The following HERC2 variants were observed in gnomAD, a reference collection of about 807,000 sequenced individuals.
The protein encoded by HERC2 is E3 ubiquitin-protein ligase HERC2.
Under a neutral mutation model 537.7 loss-of-function variants are expected in HERC2, and 102 were observed. The observed-to-expected ratio is 0.19, with a 90% CI of 0.16 to 0.22. The LOEUF (loss-of-function observed/expected upper bound fraction) is 0.22. Among genes scored for constraint, HERC2 ranks in the 10% least tolerant of loss-of-function variants. HERC2 has a pLI of 1.00. For synonymous variants in HERC2, 2,224 were observed against 2,466.2 expected (o/e 0.90, Z 2.91); for missense variants, 4,236 against 6,198.2 (o/e 0.68, Z 10.63).
rs1363578957 is a variant in HERC2 at position 28,303,889 on chromosome 15, G to A, written c.73-4373C>T. On this transcript the variant is annotated intron_variant, in intron 2 of 92. Transcript: ENST00000261609. ...TACAGAAATGCTACTGATTTGGCCG[G>A]GCACAGTGGCTCATACCTGTAATCC... Among the ~76,000 whole-genome samples the A allele has an allele frequency of 4.6e-5, 7 of 152,174 alleles. No homozygotes were observed. In the East Asian group the frequency reaches 1.3e-3, roughly 29 times the overall value.
chr15:28,311,315 A>C (rs1383346211), intron 2 of HERC2, among the ~76,000 whole-genome samples: 1 of 152,208 alleles, frequency 6.6e-6, no homozygotes, highest in African/African-American at 2.4e-5. Context: ...AAATACAAAA[A>C]TTAACCAGGC....
intron 44 of HERC2, among the ~76,000 whole-genome samples, chr15:28,209,663 A>G (rs1391580044): frequency 1.3e-5 from 2 of 152,136 alleles, no homozygotes; most frequent in Admixed American, 6.6e-5. Flanking sequence ...TTATATTTTT[A>G]AAGTATTTGG....
Position 28,132,084 on chromosome 15 carries a change from A to C in HERC2, c.12570+16T>G. ...TGAGCTGGGAGAGCACTGGGCAGGG[A>C]AAGAATGGGAAATACCTTCATAGGC... On this transcript the variant is annotated intron_variant, in intron 81 of 92. Transcript: ENST00000261609. 6.3e-7 allele frequency: 1 copy of C among 1,576,530 alleles called. No individual in the cohort carries two copies. Among genetic ancestry groups the C allele is most frequent in the South Asian group, 1.1e-5 (1 of 87,542 alleles).
In HERC2 at chr15:28,272,926, C is replaced by G. The variant is rs2075777443; in HGVS notation, c.879G>C (p.Leu293=). 1 of 1,612,008 alleles carries G rather than the reference C, an allele frequency of 6.2e-7. No individual in the cohort carries two copies. The highest frequency in any genetic ancestry group is 8.5e-7 in the Non-Finnish European group (1 of 1,179,994). Residue 293 remains leucine (L), a synonymous_variant, in exon 8 of 93, where the codon CTG becomes CTC. Coordinates refer to ENST00000261609, the MANE Select transcript of HERC2 (RefSeq NM_004667.6). ...LQDQHLALAI[L]LELAVQRGTL... ...TGCCTCTCTGCACAGCCAGCTCCAG[C>G]AGGATGGCCAGGGCCAAGTGCTGGT...
chr15:28,199,776 C>G (rs1194801777), intron 48 of HERC2, among the ~76,000 whole-genome samples: 1 of 152,104 alleles, frequency 6.6e-6, no homozygotes, highest in East Asian at 1.9e-4. Flanking sequence ...GCCTGAGATT[C>G]AGCCTGGTCC....
At position 28,113,470 on chromosome 15, in the gene HERC2, G is replaced by C. The variant is rs1887877561; in HGVS notation, c.14019+103C>G. On this transcript the variant is annotated intron_variant, in intron 91 of 92. Transcript: ENST00000261609. The surrounding 1 kb of genome is among the most constrained non-coding windows in gnomAD (Gnocchi z 7.0). ...ACGCGCTCAGAGTGCACTCCCTTCAGTCAACACACAGGGCAAGGTTCTGAC... is the reference window on the plus strand; with the variant it reads ...ACGCGCTCAGAGTGCACTCCCTTCACTCAACACACAGGGCAAGGTTCTGAC... The C allele has an allele frequency of 1.7e-6, 2 of 1,154,442 alleles. No individual in the cohort carries two copies. The highest frequency in any genetic ancestry group is 3.0e-5 in the African/African-American group (2 of 65,936). 71.5% of individuals were successfully genotyped at this position (1,154,442 alleles called of 1,614,324 possible).
intron 78 of HERC2, among the ~76,000 whole-genome samples, chr15:28,137,066 G>A (rs578022590): frequency 4.0e-4 from 61 of 152,230 alleles, no homozygotes; most frequent in African/African-American, 1.4e-3. Context: ...TATGGCAGAG[G>A]GGAATAGGTT....
chr15:28,229,478 G>C lies in HERC2; in HGVS notation c.5102C>G (p.Pro1701Arg), dbSNP rs1470831067. 1 of 1,613,836 alleles carries C rather than the reference G, an allele frequency of 6.2e-7. No individual in the cohort carries two copies. Residue 1701 changes from proline to arginine, a missense_variant, in exon 33 of 93, where the codon CCT becomes CGT. Physicochemically the swap from Pro to Arg is moderately radical, Grantham distance 103. Transcript: ENST00000261609. ...GTTTTACCCTATATCGATTCCCTCA[G>C]GAATAAGTCTTTGCCATCCACAAAA... ...AMFCGWQRLI[P>R]EGIDIGEPLT...
chr15:28,196,774 A>G (rs1473403898), intron 50 of HERC2, among the ~76,000 whole-genome samples: 2 of 152,228 alleles, frequency 1.3e-5, no homozygotes, highest in Non-Finnish European at 2.9e-5. Context: ...ACAAGAAGGG[A>G]GCATGAATAA....
intron 65 of HERC2, among the ~76,000 whole-genome samples, chr15:28,173,564 C>T (rs148348282): frequency 0.037 from 5,639 of 151,838 alleles, 330 homozygotes; most frequent in African/African-American, 0.13. Context: ...TTTGGGAGGC[C>T]AAGATGGGAG....
At chr15:28,159,802 G>C (rs1458933805) in intron 69 of HERC2, among the ~76,000 whole-genome samples, 1 of 152,228 alleles carries the variant, frequency 6.6e-6, no homozygotes, top group Admixed American at 6.5e-5. Context: ...GAGGAGGAGA[G>C]ATGCTCTGAT....
At position 28,208,602 on chromosome 15, in the gene HERC2, C is replaced by T. The variant is rs1452874846; in HGVS notation, c.7070-2220G>A. On this transcript the variant is annotated intron_variant, in intron 44 of 92. Transcript: ENST00000261609. ...CCCTGGTCTCCCAGGTACTCTGTAA[C>T]AGGATGTCACCCACCCATCCAGCTT... 3.3e-5 allele frequency among the ~76,000 whole-genome samples: 5 copies of T among 152,302 alleles called. No individual in the cohort carries two copies. In the South Asian group the frequency reaches 6.2e-4, roughly 19 times the overall value.
chr15:28,244,794 G>A (rs1430293815), intron 23 of HERC2, among the ~76,000 whole-genome samples: 4 of 152,046 alleles, frequency 2.6e-5, no homozygotes, highest in Non-Finnish European at 2.9e-5. Context: ...TTTTCCTCAG[G>A]ACAACTGCTA....
At chr15:28,135,334 TG>T in intron 79 of HERC2, 143 bp downstream of exon 79, 1 of 687,680 alleles carries the variant, frequency 1.5e-6, no homozygotes, top group Non-Finnish European at 2.5e-6. Context: ...AAACTATTTC[TG>T]CCAAATGAGT....
chr15:28,125,505 T>C (rs1889383598), intron 83 of HERC2, among the ~76,000 whole-genome samples: 1 of 152,212 alleles, frequency 6.6e-6, no homozygotes, highest in Non-Finnish European at 1.5e-5. Flanking sequence ...GTGTTAGTTC[T>C]CAGGACTAGG....
At chr15:28,208,505 G>A (rs1898735282) in intron 44 of HERC2, among the ~76,000 whole-genome samples, 1 of 151,786 alleles carries the variant, frequency 6.6e-6, no homozygotes, top group African/African-American at 2.4e-5. Context: ...CTTCCTAGCA[G>A]GTGTATCACC....
At position 28,210,729 on chromosome 15, in the gene HERC2, G is replaced by A. The variant is rs58278950; in HGVS notation, c.7069+273C>T. ...GTCTGCATTTCTAACACATACCTGC[G>A]TGCCACCAATCTTGCTGACCCATGC... On this transcript the variant is annotated intron_variant, in intron 44 of 92. Coordinates refer to ENST00000261609, the MANE Select transcript of HERC2 (RefSeq NM_004667.6). Among the ~76,000 whole-genome samples, 462 of 152,072 alleles carry A rather than the reference G, an allele frequency of 3.0e-3. 4 individuals are homozygous for A. Among genetic ancestry groups the A allele is most frequent in the African/African-American group, 0.011 (441 of 41,480 alleles).
intron 3 of HERC2, among the ~76,000 whole-genome samples, chr15:28,294,104 A>C (rs891795276): frequency 1.4e-4 from 22 of 152,242 alleles, no homozygotes; most frequent in African/African-American, 5.3e-4. Flanking sequence ...TTCTGACACC[A>C]AATGCATGGA....
rs191528712 is a variant in HERC2 at position 28,314,654 on chromosome 15, A to C, written c.72+6708T>G. Among the ~76,000 whole-genome samples, 189 of 152,050 alleles carry C rather than the reference A, an allele frequency of 1.2e-3. 1 individual carries two copies. The highest frequency in any genetic ancestry group is 0.011 in the South Asian group (52 of 4,806). On this transcript the variant is annotated intron_variant, in intron 2 of 92. Transcript: ENST00000261609. The stretch of plus-strand genomic sequence containing the variant: ...GGCGGATCATGAGGTCAGGAGTTCA[A>C]GACCAGCCTGGCCAACATGATGAAA...
Sources: allele counts gnomAD v4.1 joint callset (sites outside exome capture counted in the v4.1 genomes callset), GRCh38; gene constraint gnomAD v4.1.1; non-coding constraint Gnocchi (gnomAD v3.1); transcripts MANE v1.5; gene names NCBI Gene and HGNC (gene_info 2026-07-23, HGNC 2026-07-21).